The following BCORL1 variants were observed in gnomAD, a reference collection of about 807,000 sequenced individuals.
BCORL1 encodes the protein BCL-6 corepressor-like protein 1.
A neutral mutation model predicts 87.6 loss-of-function variants in BCORL1; 7 were observed. That is an observed-to-expected ratio of 0.08 (90% CI 0.05 to 0.15). The LOEUF (loss-of-function observed/expected upper bound fraction) is 0.15, where lower values mean the gene tolerates loss of function less well. BCORL1 is among the 10% of genes least tolerant of loss of function. The pLI, the probability that BCORL1 is intolerant of heterozygous loss-of-function variation, is 1.00. For synonymous variants in BCORL1, 591 were observed against 634.4 expected, an observed-to-expected ratio of 0.93 and a Z score of 1.03; for missense variants, 1,215 against 1,499.7, an observed-to-expected ratio of 0.81 and a Z score of 3.13.
chrX:130,041,987 C>T (rs1346076650), intron 11 of BCORL1, among the ~76,000 whole-genome samples: 6 of 111,525 alleles, frequency 5.4e-5, no homozygotes, highest in Non-Finnish European at 9.4e-5. Context: ...TGTGTATGTA[C>T]GTATATGTGT....
chrX:129,986,162 C>T (rs1209864986), intron 1 of BCORL1, among the ~76,000 whole-genome samples: 1 of 111,819 alleles, frequency 8.9e-6, no homozygotes, highest in African/African-American at 3.3e-5. Context: ...TTCACCTCTC[C>T]CTTGTCTGAG....
chrX:130,020,725 TG>T (rs772535296), intron 4 of BCORL1, among the ~76,000 whole-genome samples: 10 of 111,915 alleles, frequency 8.9e-5, no homozygotes, highest in Non-Finnish European at 1.5e-4. Context: ...GTTTATTCAC[TG>T]GCTTTTGAAC....
chrX:130,042,025 T>C (rs1218040260), intron 11 of BCORL1, among the ~76,000 whole-genome samples: 3 of 111,850 alleles, frequency 2.7e-5, no homozygotes, highest in Non-Finnish European at 5.6e-5. Flanking sequence ...AGAGTCTTGC[T>C]GTGTTGCCCA....
rs183720607 is a variant in BCORL1, at chrX:130,037,258, G to C, written c.4528-109G>C. 97 of 796,268 alleles carry C rather than the reference G, an allele frequency of 1.2e-4. No homozygotes were observed. The East Asian group carries it at 2.7e-3, about 22-fold the overall frequency. The allele number at this position is 796,268 out of a possible 1,213,427, so 65.6% of individuals were successfully genotyped here. On this transcript the variant is annotated intron_variant, in intron 9 of 13. Transcript: ENST00000540052. ...TTTTGAAGTGTGTCCCTGCTATAAA[G>C]GGCAGGCTCTGAGACTCCTCAGATA...
chrX:130,051,228 G>A (rs1415681574), intron 12 of BCORL1, among the ~76,000 whole-genome samples: 3 of 112,564 alleles, frequency 2.7e-5, no homozygotes, highest in East Asian at 5.6e-4. Context: ...ACTGTCTTCG[G>A]AGCCCTTAGC....
chrX:130,037,748 G>A (rs768910537), intron 10 of BCORL1, among the ~76,000 whole-genome samples: 8 of 111,229 alleles, frequency 7.2e-5, no homozygotes, highest in East Asian at 5.7e-4. Context: ...AAAATTAGCC[G>A]GGTGTGGTGG....
chrX:130,043,485 C>T (rs369027193), intron 11 of BCORL1, among the ~76,000 whole-genome samples: 4 of 109,709 alleles, frequency 3.6e-5, no homozygotes, highest in East Asian at 2.9e-4. Context: ...AGGAAGCACC[C>T]GAGTGTGGAG....
intron 11 of BCORL1, among the ~76,000 whole-genome samples, chrX:130,043,784 A>ATATTTTT (rs1556131020): frequency 6.3e-5 from 1 of 15,974 alleles, no homozygotes; most frequent in Non-Finnish European, 8.7e-5. Flanking sequence ...ATATATATAT[A>ATATTTTT]TTTTTTTTTT....
At chrX:129,992,549 TA>T (rs1307436716) in intron 1 of BCORL1, among the ~76,000 whole-genome samples, 1 of 112,264 alleles carries the variant, frequency 8.9e-6, no homozygotes, top group African/African-American at 3.2e-5. Flanking sequence ...GTTGAACCCA[TA>T]GCTGAGTCTG....
chrX:130,043,775 TATA>T (rs1931532475), intron 11 of BCORL1, among the ~76,000 whole-genome samples: 1 of 22,884 alleles, frequency 4.4e-5, no homozygotes, highest in African/African-American at 3.1e-4. Context: ...TATATATATA[TATA>T]TATATATTTT....
chrX:130,022,284 G>A (rs1213034398), intron 5 of BCORL1, among the ~76,000 whole-genome samples: 2 of 74,939 alleles, frequency 2.7e-5, no homozygotes, highest in Admixed American at 2.3e-4. Context: ...GTCTCACTCT[G>A]TCACCCAGGC....
upstream of BCORL1, among the ~76,000 whole-genome samples, chrX:129,980,702 C>G (rs1258952936): frequency 1.8e-5 from 2 of 109,585 alleles, no homozygotes; most frequent in Admixed American, 1.9e-4. Flanking sequence ...TGGGCGCGGG[C>G]CGAACCCCGA....
chrX:130,014,300 C>T lies in BCORL1; in HGVS notation c.1528C>T (p.Arg510Trp), dbSNP rs1224048848. The stretch of plus-strand genomic sequence containing the variant: ...TTACCCGTATGCATTTTCTGTGGCC[C>T]GGCCTCTGACTTCGGATTCCAAGCT... ...RSYPYAFSVA[R>W]PLTSDSKLVS... is the part of the protein sequence containing the mutation. The change falls in exon 4 of 14, where the codon CGG (arginine) becomes TGG (tryptophan). Residue 510 changes from arginine to tryptophan, a missense_variant. This residue lies in a region of BCORL1 where 861 missense variants were observed against 1,010.0 expected (regional missense o/e 0.85). Coordinates refer to ENST00000540052, the MANE Select transcript of BCORL1 (RefSeq NM_001379451.1). 4 of 1,211,590 alleles carry T rather than the reference C, an allele frequency of 3.3e-6. No individual in the cohort carries two copies. The highest frequency in any genetic ancestry group is 4.5e-6 in the Non-Finnish European group (4 of 895,485).
At chrX:129,987,661 T>TA (rs1452091364) in intron 1 of BCORL1, among the ~76,000 whole-genome samples, 6 of 110,974 alleles carry the variant, frequency 5.4e-5, no homozygotes, top group Non-Finnish European at 3.8e-5. Context: ...TGAAACTGGA[T>TA]AAAAAACTGA....
At chrX:130,042,342 G>T (rs964036220) in intron 11 of BCORL1, among the ~76,000 whole-genome samples, 4 of 111,794 alleles carry the variant, frequency 3.6e-5, no homozygotes, top group Non-Finnish European at 7.5e-5. Context: ...CTATCTTCCC[G>T]CCTTGGCCTC....
At chrX:130,044,188 G>A (rs2078455218) in intron 11 of BCORL1, among the ~76,000 whole-genome samples, 1 of 109,999 alleles carries the variant, frequency 9.1e-6, no homozygotes, top group Non-Finnish European at 1.9e-5. Context: ...ACAGGTGTGA[G>A]CCACCGCGCC....
chrX:130,015,319 C>T lies in BCORL1; in HGVS notation c.2547C>T (p.Ala849=), dbSNP rs1463222890. 10 of 1,211,684 alleles carry T rather than the reference C, an allele frequency of 8.3e-6. No individual in the cohort carries two copies. The highest frequency in any genetic ancestry group is 1.0e-5 in the Non-Finnish European group (9 of 895,512). ...TGCTTTCCATTGGCATTTCCAGTGC[C>T]GGGCAGCTGACCCCCAGTCAGGGGG... is the stretch of plus-strand genomic sequence containing the variant. ...ASLLSIGISS[A]GQLTPSQGAP... Residue 849 remains alanine, a synonymous_variant, in exon 4 of 14, where the codon GCC becomes GCT. Coordinates refer to ENST00000540052, the MANE Select transcript of BCORL1 (RefSeq NM_001379451.1).
At position 130,013,460 on chromosome X, in the gene BCORL1, C is replaced by G; in HGVS notation, c.688C>G (p.Pro230Ala). Residue 230 changes from proline (P) to alanine (A), a missense_variant, in exon 4 of 14, where the codon CCA becomes GCA. Coordinates refer to ENST00000540052, the MANE Select transcript of BCORL1 (RefSeq NM_001379451.1). ...AFQVPLSVPA[P>A]VPHSGLVPVQ... ...CCAGGTTCCCCTCTCCGTCCCTGCC[C>G]CAGTCCCCCATTCAGGGCTTGTTCC... 8.3e-7 allele frequency: 1 copy of G among 1,211,269 alleles called. No individual in the cohort carries two copies. Among genetic ancestry groups the G allele is most frequent in the Non-Finnish European group, 1.1e-6 (1 of 895,388 alleles).
chrX:130,000,850 T>C (rs1037593155), intron 1 of BCORL1, among the ~76,000 whole-genome samples: 19 of 110,509 alleles, frequency 1.7e-4, no homozygotes, highest in African/African-American at 4.3e-4. Flanking sequence ...AGTTTTTTCA[T>C]TGGAGTACAA....
Sources: gnomAD v4.1 joint callset for allele counts (sites outside exome capture counted in the v4.1 genomes callset) on GRCh38, gnomAD v4.1.1 for gene constraint, gnomAD v4.1.1 regional missense constraint, MANE v1.5 for transcripts, NCBI Gene and HGNC (gene_info 2026-07-23, HGNC 2026-07-21) for gene names.